The following UCHL3 variants were observed in gnomAD, a reference collection of about 807,000 sequenced individuals.
The protein encoded by UCHL3 is ubiquitin carboxyl-terminal hydrolase isozyme L3.
Under a neutral mutation model 35.8 loss-of-function variants are expected in UCHL3, and 22 were observed. The observed-to-expected ratio is 0.61, with a 90% CI of 0.44 to 0.88. The LOEUF is 0.88. Ranked by LOEUF, UCHL3 falls within the 40% of genes least tolerant of loss-of-function variation. The pLI is 0.00. For synonymous variants in UCHL3, 90 were observed against 92.8 expected, an observed-to-expected ratio of 0.97 and a Z score of 0.17; for missense variants, 229 against 276.9, an observed-to-expected ratio of 0.83 and a Z score of 1.23.
intron 7 of UCHL3, among the ~76,000 whole-genome samples, chr13:75,602,002 G>C (rs535717985): frequency 2.0e-5 from 3 of 151,984 alleles, no homozygotes; most frequent in African/African-American, 7.3e-5. Context: ...CCAGCTGCTC[G>C]GGAGGCTGAG....
intron 6 of UCHL3, among the ~76,000 whole-genome samples, chr13:75,592,457 T>TATATATAC: frequency 9.4e-6 from 1 of 106,630 alleles, no homozygotes; most frequent in African/African-American, 3.2e-5. Context: ...TATATATATA[T>TATATATAC]ATATATATAT....
chr13:75,558,879 A>G (rs1342692678), intron 2 of UCHL3, among the ~76,000 whole-genome samples: 2 of 152,150 alleles, frequency 1.3e-5, no homozygotes, highest in African/African-American at 4.8e-5. Flanking sequence ...TTTAGATAGA[A>G]TTGAATACTG....
At chr13:75,590,695 T>A (rs2032457615) in intron 6 of UCHL3, among the ~76,000 whole-genome samples, 1 of 152,210 alleles carries the variant, frequency 6.6e-6, no homozygotes, top group African/African-American at 2.4e-5. Context: ...AATCTTGATC[T>A]GATCTTTCCT....
In UCHL3 at chr13:75,594,922, G is replaced by C; in HGVS notation, c.482G>C (p.Ser161Thr). 1 of 1,605,946 alleles carries C rather than the reference G, an allele frequency of 6.2e-7. No homozygotes were observed. The highest frequency in any genetic ancestry group is 8.5e-7 in the Non-Finnish European group (1 of 1,178,126). ...SAHEGQTEAPSIDEKVDLHFI... is the reference protein window; with the variant it reads ...SAHEGQTEAPTIDEKVDLHFI... Reference sequence around the variant, plus strand: ...TTTTCCCTCCTATTCCAGGCACCAAGTATAGATGAGAAAGTAGATCTTCAT... The same window carrying C: ...TTTTCCCTCCTATTCCAGGCACCAACTATAGATGAGAAAGTAGATCTTCAT... Residue 161 changes from serine (S) to threonine (T), a missense_variant, in exon 7 of 9, where the codon AGT becomes ACT. Ser to Thr is a moderately conservative substitution (Grantham distance 58). Transcript: ENST00000377595.
intron 3 of UCHL3, among the ~76,000 whole-genome samples, chr13:75,562,118 G>A (rs7997463): frequency 0.042 from 6,341 of 152,072 alleles, 431 homozygotes; most frequent in African/African-American, 0.14. Context: ...GGACTAAATG[G>A]AGCCAAATCC....
intron 7 of UCHL3, among the ~76,000 whole-genome samples, chr13:75,598,726 G>A (rs777628805): frequency 7.2e-5 from 11 of 152,168 alleles, no homozygotes; most frequent in Non-Finnish European, 2.9e-5. Context: ...CATTACTGGT[G>A]ATGTTTAGTG....
At chr13:75,583,407 C>T (rs567519446) in intron 6 of UCHL3, among the ~76,000 whole-genome samples, 1 of 152,140 alleles carries the variant, frequency 6.6e-6, no homozygotes, top group Non-Finnish European at 1.5e-5. Flanking sequence ...AAACATGATG[C>T]TCAAAAAGAA....
At chr13:75,603,390 G>C (rs965926511) in intron 7 of UCHL3, among the ~76,000 whole-genome samples, 3 of 152,200 alleles carry the variant, frequency 2.0e-5, no homozygotes, top group African/African-American at 7.2e-5. Flanking sequence ...AGCTACTTGG[G>C]AAGCTGAGGC....
chr13:75,565,640 A>T (rs961869700), intron 3 of UCHL3, among the ~76,000 whole-genome samples: 1 of 152,220 alleles, frequency 6.6e-6, no homozygotes, highest in African/African-American at 2.4e-5. Context: ...AGCCATAGAC[A>T]ATACATAATG....
chr13:75,570,241 T>TC (rs1295728378), intron 6 of UCHL3, among the ~76,000 whole-genome samples: 2 of 151,452 alleles, frequency 1.3e-5, no homozygotes, highest in African/African-American at 2.5e-5. Flanking sequence ...AACCACACTT[T>TC]TTTTTGTTTT....
intron 4 of UCHL3, 102 bp downstream of exon 4, chr13:75,566,953 A>T: frequency 7.7e-7 from 1 of 1,297,190 alleles, no homozygotes; most frequent in Admixed American, 2.4e-5. Flanking sequence ...CTATAAAATA[A>T]AGCATTCCCT....
Position 75,583,780 on chromosome 13 carries a change from T to C in UCHL3, c.475-11135T>C, listed in dbSNP as rs143580701. On this transcript the variant is annotated intron_variant, in intron 6 of 8. Transcript: ENST00000377595. ...AAAAATGATGTAGAGATATACTTAC[T>C]GAGATGAATAGAAGCCCAAAATTTA... is the stretch of plus-strand genomic sequence containing the variant. Among the ~76,000 whole-genome samples, 17 of 152,324 alleles carry C rather than the reference T, an allele frequency of 1.1e-4. No individual in the cohort carries two copies. In the East Asian group the frequency reaches 3.1e-3, roughly 28 times the overall value.
At chr13:75,597,862 C>T (rs953954228) in intron 7 of UCHL3, among the ~76,000 whole-genome samples, 12 of 152,102 alleles carry the variant, frequency 7.9e-5, no homozygotes, top group South Asian at 2.1e-4. Context: ...TAATTCCCTA[C>T]TCTAATAAAT....
At chr13:75,576,915 A>G (rs1322208044) in intron 6 of UCHL3, among the ~76,000 whole-genome samples, 1 of 152,190 alleles carries the variant, frequency 6.6e-6, no homozygotes, top group Non-Finnish European at 1.5e-5. Context: ...GCCCGCTGTA[A>G]TGGTGGGTTC....
intron 6 of UCHL3, among the ~76,000 whole-genome samples, chr13:75,593,263 A>G (rs1266254343): frequency 6.6e-6 from 1 of 152,182 alleles, no homozygotes; most frequent in Non-Finnish European, 1.5e-5. Context: ...TACAGTTTAT[A>G]TAATTGCCTA....
chr13:75,579,855 A>G (rs2032130487), intron 6 of UCHL3, among the ~76,000 whole-genome samples: 1 of 152,180 alleles, frequency 6.6e-6, no homozygotes, highest in Non-Finnish European at 1.5e-5. Context: ...GATTTGTAAT[A>G]AAGGAGAACT....
At chr13:75,574,363 A>G (rs964560810) in intron 6 of UCHL3, among the ~76,000 whole-genome samples, 2 of 151,822 alleles carry the variant, frequency 1.3e-5, no homozygotes, top group South Asian at 2.1e-4. Flanking sequence ...TTCCTTGTGT[A>G]TATTTGTTTA....
Position 75,605,773 on chromosome 13 carries a change from T to C in UCHL3, c.654T>C (p.Asp218=), listed in dbSNP as rs760310101. ...AGAAGTTTATGGAGCGCGACCCTGA[T>C]GAACTAAGATTTAATGCGATTGCTC... The part of the protein sequence containing the change: ...VCKKFMERDP[D]ELRFNAIALS... Residue 218 remains aspartate (D), a synonymous_variant, in exon 9 of 9, where the codon GAT becomes GAC. Transcript: ENST00000377595. 1 of 1,614,092 alleles carries C rather than the reference T, an allele frequency of 6.2e-7. No homozygotes were observed.
chr13:75,562,241 T>G (rs909703123), intron 3 of UCHL3, among the ~76,000 whole-genome samples: 1 of 152,090 alleles, frequency 6.6e-6, no homozygotes, highest in African/African-American at 2.4e-5. Context: ...ATTTTTTCTC[T>G]TCTACTTAAG....
Sources: allele counts gnomAD v4.1 joint callset (sites outside exome capture counted in the v4.1 genomes callset), GRCh38; gene constraint gnomAD v4.1.1; transcripts MANE v1.5; gene names NCBI Gene and HGNC (gene_info 2026-07-23, HGNC 2026-07-21).